Variants in NLGN1 observed in about 807,000 individuals in gnomAD.
NLGN1 encodes the protein neuroligin-1.
Under a neutral mutation model 65.5 loss-of-function variants are expected in NLGN1, and 12 were observed. That is an observed-to-expected ratio of 0.18 (90% CI 0.12 to 0.30). NLGN1 has a LOEUF of 0.30. Ranked by LOEUF, NLGN1 falls within the 10% of genes least tolerant of loss-of-function variation. The pLI is 1.00. For synonymous variants in NLGN1, 350 were observed against 359.5 expected (o/e 0.97, Z 0.30); for missense variants, 750 against 1,007.1 (o/e 0.74, Z 3.46).
chr3:174,070,432 A>G (rs559569162), intron 4 of NLGN1, among the ~76,000 whole-genome samples: 5 of 151,844 alleles, frequency 3.3e-5, no homozygotes, highest in Non-Finnish European at 7.4e-5. Flanking sequence ...CCTGGGTTCA[A>G]GTGATTCTCC....
chr3:173,850,725 A>T (rs1726755910), intron 4 of NLGN1, among the ~76,000 whole-genome samples: 3 of 151,370 alleles, frequency 2.0e-5, no homozygotes, highest in Non-Finnish European at 4.4e-5. Flanking sequence ...TATATCCTTC[A>T]ATTTTGTTTT....
chr3:173,573,876 A>G (rs1339655197), intron 2 of NLGN1, among the ~76,000 whole-genome samples: 1 of 151,726 alleles, frequency 6.6e-6, no homozygotes, highest in East Asian at 1.9e-4. Flanking sequence ...ATCCTGGCTA[A>G]CACGCTGAAA....
intron 4 of NLGN1, among the ~76,000 whole-genome samples, chr3:174,225,913 G>A (rs1739588500): frequency 2.0e-5 from 3 of 152,060 alleles, no homozygotes; most frequent in African/African-American, 7.2e-5. Flanking sequence ...ACAAGTCAAG[G>A]AAAAATTTCT....
chr3:173,665,014 A>G (rs1371412395), intron 3 of NLGN1, among the ~76,000 whole-genome samples: 1 of 152,134 alleles, frequency 6.6e-6, no homozygotes, highest in Non-Finnish European at 1.5e-5. Flanking sequence ...GTTGGTCCTT[A>G]TAAATATTTG....
At chr3:174,225,603 C>T (rs555427397) in intron 4 of NLGN1, among the ~76,000 whole-genome samples, 4 of 152,024 alleles carry the variant, frequency 2.6e-5, no homozygotes, top group African/African-American at 4.8e-5. Context: ...TGGTGGCGGG[C>T]GCCTGTAGTC....
Position 173,801,812 on chromosome 3 carries a change from ATAAACT to A in NLGN1, c.494-5865_494-5860del, listed in dbSNP as rs1255021176. Among the ~76,000 whole-genome samples the A allele has an allele frequency of 4.6e-5, 7 of 152,230 alleles. No homozygotes were observed. The East Asian group carries it at 1.3e-3, about 29-fold the overall frequency. On this transcript the variant is annotated intron_variant, in intron 3 of 6. Coordinates refer to ENST00000457714, the Ensembl canonical transcript of NLGN1. ...TATTCTGAATGTTAAATAGCTAAAA[ATAAACT>A]TATACTATCAAGATGCAAATTCTGA...
At chr3:173,507,169 A>G (rs1166990937) in intron 2 of NLGN1, among the ~76,000 whole-genome samples, 3 of 152,068 alleles carry the variant, frequency 2.0e-5, no homozygotes, top group Admixed American at 2.0e-4. Flanking sequence ...GAATAAGTAC[A>G]TGTTTGCTGC....
intron 4 of NLGN1, among the ~76,000 whole-genome samples, chr3:174,054,890 G>T (rs1671911086): frequency 6.6e-6 from 1 of 151,962 alleles, no homozygotes; most frequent in Admixed American, 6.6e-5. Context: ...TAAATTACTT[G>T]CAGTTTGCAA....
At position 174,017,663 on chromosome 3, in the gene NLGN1, G is replaced by C. The variant is rs558117648; in HGVS notation, c.646+209831G>C. 2.0e-5 allele frequency among the ~76,000 whole-genome samples: 3 copies of C among 152,190 alleles called. No individual in the cohort carries two copies. The South Asian group carries it at 6.2e-4, about 32-fold the overall frequency. On this transcript the variant is annotated intron_variant, in intron 4 of 6. Transcript: ENST00000457714. ...TTTCCGGGGGAGACATCACATGTTG[G>C]CAGGTTCCGTGATGCCCCCGTCAAG...
chr3:174,258,007 T>C (rs1425771215), intron 4 of NLGN1, among the ~76,000 whole-genome samples: 1 of 151,734 alleles, frequency 6.6e-6, no homozygotes, highest in Non-Finnish European at 1.5e-5. Flanking sequence ...ATTAATTTGA[T>C]AATTACTAAA....
intron 3 of NLGN1, among the ~76,000 whole-genome samples, chr3:173,727,244 G>A (rs930625200): frequency 2.0e-4 from 31 of 152,050 alleles, no homozygotes; most frequent in African/African-American, 7.2e-4. Flanking sequence ...CATGGGATCA[G>A]TTAATTAGTA....
chr3:173,769,084 G>C (rs1779199698), intron 3 of NLGN1, among the ~76,000 whole-genome samples: 1 of 152,048 alleles, frequency 6.6e-6, no homozygotes, highest in Non-Finnish European at 1.5e-5. Flanking sequence ...GACCTAGATT[G>C]GTCTCCATTA....
chr3:173,944,743 T>A (rs13081434), intron 4 of NLGN1, among the ~76,000 whole-genome samples: 3 of 152,026 alleles, frequency 2.0e-5, no homozygotes, highest in African/African-American at 4.8e-5. Context: ...TGCTCCTTTC[T>A]GGTCTGATAA....
intron 4 of NLGN1, among the ~76,000 whole-genome samples, chr3:174,046,078 A>G (rs758790165): frequency 5.3e-5 from 8 of 152,178 alleles, no homozygotes; most frequent in Non-Finnish European, 1.2e-4. Flanking sequence ...GAAAGGTGCT[A>G]TCTCAATATA....
chr3:173,708,461 C>T (rs1019609602), intron 3 of NLGN1, among the ~76,000 whole-genome samples: 3 of 152,182 alleles, frequency 2.0e-5, no homozygotes, highest in African/African-American at 7.2e-5. Context: ...GTGTCTGAGC[C>T]AACCTGCTGG....
intron 2 of NLGN1, among the ~76,000 whole-genome samples, chr3:173,459,746 C>T (rs1723064928): frequency 6.6e-6 from 1 of 152,030 alleles, no homozygotes; most frequent in Admixed American, 6.6e-5. Context: ...CATACACAGA[C>T]CTATTTCAAG....
At chr3:174,135,262 G>A (rs1260611408) in intron 4 of NLGN1, among the ~76,000 whole-genome samples, 1 of 152,030 alleles carries the variant, frequency 6.6e-6, no homozygotes, top group Non-Finnish European at 1.5e-5. Flanking sequence ...AAACTGATAA[G>A]GTAAAAAACA....
chr3:174,129,928 C>T (rs1038431414), intron 4 of NLGN1, among the ~76,000 whole-genome samples: 7 of 152,150 alleles, frequency 4.6e-5, no homozygotes, highest in Admixed American at 2.6e-4. Context: ...ACTGATAAGA[C>T]GACGTTGTTC....
chr3:174,214,329 A>G (rs2152798135), intron 4 of NLGN1, among the ~76,000 whole-genome samples: 1 of 152,282 alleles, frequency 6.6e-6, no homozygotes, highest in Non-Finnish European at 1.5e-5. Context: ...CCTGGATTTC[A>G]TTAGCTTTTC....
Sources: allele counts gnomAD v4.1 joint callset (sites outside exome capture counted in the v4.1 genomes callset), GRCh38; gene constraint gnomAD v4.1.1; transcripts MANE v1.5; gene names NCBI Gene and HGNC (gene_info 2026-07-23, HGNC 2026-07-21).